CCSER1: variants seen among roughly 807,000 people sequenced by gnomAD.
CCSER1 encodes the protein serine-rich coiled-coil domain-containing protein 1.
CCSER1 carries 41 observed loss-of-function variants against 82.0 expected under a neutral mutation model. The observed-to-expected ratio is 0.50, with a 90% CI of 0.39 to 0.65. The LOEUF (loss-of-function observed/expected upper bound fraction) is 0.65, where lower values mean the gene tolerates loss of function less well. Ranked by LOEUF, CCSER1 falls within the 30% of genes least tolerant of loss-of-function variation. CCSER1 has a pLI of 0.00. For missense variants in CCSER1, 1,119 were observed against 1,064.2 expected, an observed-to-expected ratio of 1.05 and a Z score of -0.72; for synonymous variants, 414 against 383.9, an observed-to-expected ratio of 1.08 and a Z score of -0.92.
chr4:91,192,784 C>G (rs553524271), intron 10 of CCSER1, among the ~76,000 whole-genome samples: 2 of 151,934 alleles, frequency 1.3e-5, no homozygotes, highest in African/African-American at 2.4e-5. Context: ...AAATAAAATC[C>G]AGATTATTTA....
chr4:90,464,516 G>A (rs1220761249), intron 4 of CCSER1, among the ~76,000 whole-genome samples: 2 of 152,114 alleles, frequency 1.3e-5, no homozygotes, highest in Admixed American at 6.6e-5. Context: ...AAACACATGG[G>A]GACTTTTATT....
At chr4:91,112,353 C>T (rs975733200) in intron 10 of CCSER1, among the ~76,000 whole-genome samples, 4 of 151,740 alleles carry the variant, frequency 2.6e-5, no homozygotes, top group Non-Finnish European at 4.4e-5. Context: ...TGTGTTCTGA[C>T]GGTTCTTAAG....
rs748810862 is a variant in CCSER1, at chr4:90,308,796, G to A, written c.512G>A (p.Arg171His). Residue 171 changes from arginine to histidine, a missense_variant, in exon 2 of 11, where the codon CGT becomes CAT. Arg to His is a conservative substitution (Grantham distance 29). Coordinates refer to ENST00000509176, the MANE Select transcript of CCSER1 (RefSeq NM_001145065.2). ...DSGFTEDQTR[R>H]SVKQSTRKLL... ...GGTTTCACAGAAGACCAAACTCGTC[G>A]TTCTGTTAAGCAGTCAACAAGGAAG... 3.0e-5 allele frequency: 48 copies of A among 1,613,646 alleles called. No individual in the cohort carries two copies. In the Admixed American group the frequency reaches 3.3e-4, roughly 11 times the overall value.
chr4:90,839,079 G>A (rs1322582387), intron 8 of CCSER1: 1 of 1,567,482 alleles, frequency 6.4e-7, no homozygotes, highest in Non-Finnish European at 8.8e-7. Flanking sequence ...GAGTACGAGC[G>A]AAGTCTGGTC....
At chr4:90,501,812 AT>A (rs1474019757) in intron 5 of CCSER1, among the ~76,000 whole-genome samples, 1 of 152,062 alleles carries the variant, frequency 6.6e-6, no homozygotes, top group Admixed American at 6.5e-5. Context: ...CTGCAGTTAT[AT>A]TTTTATGTAT....
chr4:90,539,855 C>CT (rs1370137575), intron 5 of CCSER1, among the ~76,000 whole-genome samples: 1 of 151,970 alleles, frequency 6.6e-6, no homozygotes, highest in East Asian at 1.9e-4. Context: ...TAAGTGATCA[C>CT]TTTTTGTGTA....
rs949143986 is a variant in CCSER1, at chr4:91,104,389, G to T, written c.2217+18395G>T. Reference sequence around the variant, plus strand: ...TTTTGAGGCTCAGGTGGGCATCACGGTCCTACCGATATGTGATGTCACCCC... The same window carrying T: ...TTTTGAGGCTCAGGTGGGCATCACGTTCCTACCGATATGTGATGTCACCCC... On this transcript the variant is annotated intron_variant, in intron 10 of 10. Coordinates refer to ENST00000509176, the MANE Select transcript of CCSER1 (RefSeq NM_001145065.2). Among the ~76,000 whole-genome samples, 5 of 152,058 alleles carry T rather than the reference G, an allele frequency of 3.3e-5. No individual in the cohort carries two copies. In the South Asian group the frequency reaches 1.0e-3, roughly 31 times the overall value.
chr4:91,492,607 G>A (rs1203672929), intron 10 of CCSER1, among the ~76,000 whole-genome samples: 8 of 152,146 alleles, frequency 5.3e-5, no homozygotes, highest in South Asian at 4.1e-4. Context: ...ATGTCATGGC[G>A]TGAACTTAAG....
intron 10 of CCSER1, among the ~76,000 whole-genome samples, chr4:91,230,646 A>G (rs1490497849): frequency 1.3e-5 from 2 of 151,930 alleles, no homozygotes; most frequent in East Asian, 3.9e-4. Context: ...AACACACAAA[A>G]CAAAGGAAAG....
At chr4:90,229,013 A>G (rs1256314671) in intron 1 of CCSER1, among the ~76,000 whole-genome samples, 1 of 152,218 alleles carries the variant, frequency 6.6e-6, no homozygotes, top group Non-Finnish European at 1.5e-5. Flanking sequence ...ACTGAAAGTG[A>G]TGGGGAGAAT....
intron 4 of CCSER1, among the ~76,000 whole-genome samples, chr4:90,437,369 T>A (rs1282386620): frequency 6.6e-6 from 1 of 152,130 alleles, no homozygotes. Flanking sequence ...TTTAGATACA[T>A]GTTTTTATCT....
chr4:90,668,330 C>A lies in CCSER1; in HGVS notation c.1932+40098C>A, dbSNP rs192683028. 2.4e-3 allele frequency among the ~76,000 whole-genome samples: 367 copies of A among 152,298 alleles called. 1 individual carries two copies. The highest frequency in any genetic ancestry group is 6.8e-3 in the Middle Eastern group (2 of 294). ...ATCTTTTCTAGCTGTCTCCTCCAAG[C>A]ATCCTTCAATGGGGAATTAACCTTG... On this transcript the variant is annotated intron_variant, in intron 6 of 10. Coordinates refer to ENST00000509176, the MANE Select transcript of CCSER1 (RefSeq NM_001145065.2).
intron 10 of CCSER1, among the ~76,000 whole-genome samples, chr4:91,236,259 A>T (rs1228686876): frequency 6.6e-6 from 1 of 152,070 alleles, no homozygotes; most frequent in Non-Finnish European, 1.5e-5. Flanking sequence ...AGGCCGAGGC[A>T]GGTGGATCAT....
At chr4:90,221,519 T>G (rs1742153133) in intron 1 of CCSER1, among the ~76,000 whole-genome samples, 1 of 152,170 alleles carries the variant, frequency 6.6e-6, no homozygotes, top group Admixed American at 6.6e-5. Context: ...CAGGATCTGG[T>G]GTCCTCGAAA....
intron 8 of CCSER1, among the ~76,000 whole-genome samples, chr4:90,860,870 G>A (rs569792679): frequency 1.3e-5 from 2 of 151,704 alleles, no homozygotes; most frequent in East Asian, 3.9e-4. Flanking sequence ...GTGGGGAATG[G>A]GGAATGATAG....
At chr4:90,396,595 C>T (rs967838988) in intron 3 of CCSER1, among the ~76,000 whole-genome samples, 1 of 151,898 alleles carries the variant, frequency 6.6e-6, no homozygotes, top group Non-Finnish European at 1.5e-5. Flanking sequence ...AAAAGCTAAC[C>T]TTCAACAGTC....
chr4:90,469,057 CT>C (rs1764008134), intron 5 of CCSER1, among the ~76,000 whole-genome samples: 1 of 151,868 alleles, frequency 6.6e-6, no homozygotes, highest in Non-Finnish European at 1.5e-5. Context: ...AGTATCATGC[CT>C]CCTTTAAGGT....
At chr4:90,485,089 C>A (rs543079778) in intron 5 of CCSER1, among the ~76,000 whole-genome samples, 346 of 152,344 alleles carry the variant, frequency 2.3e-3, no homozygotes, top group African/African-American at 8.0e-3. Context: ...CGCCCCTCCC[C>A]CAGCCTTGCT....
At chr4:91,003,155 G>A (rs573338930) in intron 9 of CCSER1, among the ~76,000 whole-genome samples, 5 of 152,200 alleles carry the variant, frequency 3.3e-5, no homozygotes, top group African/African-American at 9.7e-5. Flanking sequence ...GAGGTGGCAG[G>A]GGGGTGAAAT....
Sources: allele counts gnomAD v4.1 joint callset (sites outside exome capture counted in the v4.1 genomes callset), GRCh38; gene constraint gnomAD v4.1.1; transcripts MANE v1.5; gene names NCBI Gene and HGNC (gene_info 2026-07-23, HGNC 2026-07-21).